Variants in FOCAD observed in about 807,000 individuals in gnomAD.
FOCAD encodes focadhesin.
Under a neutral mutation model 225.6 loss-of-function variants are expected in FOCAD, and 198 were observed. The observed-to-expected ratio is 0.88, with a 90% CI of 0.78 to 0.99. The LOEUF (loss-of-function observed/expected upper bound fraction) is 0.99, where lower values mean the gene tolerates loss of function less well. FOCAD is among the 50% of genes least tolerant of loss of function. The pLI, the probability that FOCAD is intolerant of heterozygous loss-of-function variation, is 0.00. For missense variants in FOCAD, 2,713 were observed against 2,123.6 expected (o/e 1.28, Z -5.46); for synonymous variants, 897 against 755.0 (o/e 1.19, Z -3.08).
At chr9:20,750,722 A>G (rs1828464279) in intron 5 of FOCAD, among the ~76,000 whole-genome samples, 3 of 152,294 alleles carry the variant, frequency 2.0e-5, no homozygotes, top group Admixed American at 6.5e-5. Context: ...TGGACATAAC[A>G]CTTCCTTCTG....
intron 24 of FOCAD, 121 bp downstream of exon 24, chr9:20,917,058 A>AT (rs1332063039): frequency 1.1e-5 from 8 of 740,368 alleles, no homozygotes; most frequent in Admixed American, 3.4e-5. Flanking sequence ...CTTTTCAATT[A>AT]TTTTTTTAAA....
chr9:20,735,085 T>C lies in FOCAD; in HGVS notation c.288-5151T>C, dbSNP rs1324824760. 3.3e-5 allele frequency among the ~76,000 whole-genome samples: 5 copies of C among 152,350 alleles called. No homozygotes were observed. The South Asian group carries it at 8.3e-4, about 25-fold the overall frequency. On this transcript the variant is annotated intron_variant, in intron 4 of 43. Transcript: ENST00000338382. ...GTGCTTACTTCCCCCACCTACTCTT[T>C]AACACTGAGTATTATGAATCTTATT...
chr9:20,967,174 T>A (rs1839339279), intron 35 of FOCAD, among the ~76,000 whole-genome samples: 1 of 152,150 alleles, frequency 6.6e-6, no homozygotes, highest in African/African-American at 2.4e-5. Flanking sequence ...TCTTTCTATT[T>A]ATTTAGGGCT....
intron 15 of FOCAD, among the ~76,000 whole-genome samples, chr9:20,838,922 C>T (rs974729500): frequency 6.6e-6 from 1 of 151,952 alleles, no homozygotes; most frequent in Non-Finnish European, 1.5e-5. Context: ...TTAAGCTTTA[C>T]TAATATTTAA....
At chr9:20,793,578 C>T (rs763316781) in intron 11 of FOCAD, among the ~76,000 whole-genome samples, 5 of 152,134 alleles carry the variant, frequency 3.3e-5, no homozygotes, top group Non-Finnish European at 7.3e-5. Flanking sequence ...TACTAATGTA[C>T]TGAAACAAAA....
intron 15 of FOCAD, among the ~76,000 whole-genome samples, chr9:20,824,033 C>T (rs572839085): frequency 2.0e-5 from 3 of 152,176 alleles, no homozygotes; most frequent in African/African-American, 7.2e-5. Flanking sequence ...GGTGAACACT[C>T]ATTTCAGCAG....
chr9:20,918,723 C>CAA (rs59430546), intron 24 of FOCAD, among the ~76,000 whole-genome samples: 11 of 114,550 alleles, frequency 9.6e-5, no homozygotes, highest in Admixed American at 9.4e-5. Context: ...GACTCCGTCT[C>CAA]AAAAAAAAAA....
At chr9:20,722,541 GCACTCTCTCTGA>G (rs1311468532) in intron 4 of FOCAD, among the ~76,000 whole-genome samples, 9 of 152,290 alleles carry the variant, frequency 5.9e-5, no homozygotes, top group Admixed American at 3.3e-4. Flanking sequence ...TTGGTATCTG[GCACTCTCTCTGA>G]CACTTAGTAG....
At chr9:20,709,291 T>C (rs1824643483) in intron 1 of FOCAD, among the ~76,000 whole-genome samples, 2 of 152,162 alleles carry the variant, frequency 1.3e-5, no homozygotes, top group Non-Finnish European at 2.9e-5. Context: ...TATTGAAAGG[T>C]TGGAGATAAA....
intron 37 of FOCAD, among the ~76,000 whole-genome samples, chr9:20,979,820 A>G (rs1291554966): frequency 6.6e-6 from 1 of 152,200 alleles, no homozygotes; most frequent in Admixed American, 6.5e-5. Context: ...GCAAGCACTC[A>G]GTGAGTACTT....
In FOCAD at chr9:20,807,158, G is replaced by A. The variant is rs537447423; in HGVS notation, c.1456-12638G>A. On this transcript the variant is annotated intron_variant, in intron 11 of 43. Transcript: ENST00000338382. Reference sequence around the variant, plus strand: ...AAAGTTATGTATTATTAAAATTATAGTTGATTTTTATAGCTTTTTAAGTTC... The same window carrying A: ...AAAGTTATGTATTATTAAAATTATAATTGATTTTTATAGCTTTTTAAGTTC... 2.6e-5 allele frequency among the ~76,000 whole-genome samples: 4 copies of A among 152,306 alleles called. No homozygotes were observed. The East Asian group carries it at 7.7e-4, about 29-fold the overall frequency.
In FOCAD at chr9:20,758,128, G is replaced by T; in HGVS notation, c.431G>T (p.Arg144Ile). The change falls in exon 6 of 44, where the codon AGA (arginine) becomes ATA (isoleucine). Residue 144 changes from arginine to isoleucine, a missense_variant. Arg to Ile is a moderately conservative substitution (Grantham distance 97). Transcript: ENST00000338382. Reference sequence around the variant, plus strand: ...CCTTTGATAACTGTGCTTGAACACAGACCTGATTGCTGGCCAGTGTTTTTG... The same window carrying T: ...CCTTTGATAACTGTGCTTGAACACATACCTGATTGCTGGCCAGTGTTTTTG... ...PHPLITVLEH[R>I]PDCWPVFLQQ... 1 of 1,612,532 alleles carries T rather than the reference G, an allele frequency of 6.2e-7. No individual in the cohort carries two copies. The highest frequency in any genetic ancestry group is 1.1e-5 in the South Asian group (1 of 90,830).
intron 21 of FOCAD, among the ~76,000 whole-genome samples, chr9:20,902,479 T>C (rs952828473): frequency 5.3e-5 from 8 of 151,898 alleles, no homozygotes; most frequent in Admixed American, 3.3e-4. Context: ...AGTTATTTCT[T>C]AAGGTAATTC....
Position 20,678,270 on chromosome 9 carries a change from GTGGTTGTAGTT to G in FOCAD, c.-77-16249_-77-16239del, listed in dbSNP as rs1160028037. ...TGATATTGTCTTGTTATTAAGAAAA[GTGGTTGTAGTT>G]ATTAGAGATACATGGCTACATCATT... is the stretch of plus-strand genomic sequence containing the variant. On this transcript the variant is annotated intron_variant, in intron 2 of 45. Coordinates refer to the FOCAD transcript ENST00000380249. 2.0e-5 allele frequency among the ~76,000 whole-genome samples: 3 copies of G among 152,318 alleles called. No homozygotes were observed. The East Asian group carries it at 5.8e-4, about 29-fold the overall frequency.
chr9:20,918,615 T>C (rs1834077611), intron 24 of FOCAD, among the ~76,000 whole-genome samples: 1 of 151,746 alleles, frequency 6.6e-6, no homozygotes, highest in Non-Finnish European at 1.5e-5. Flanking sequence ...TCCCAGCTAC[T>C]TGGGAGGCTG....
Position 20,659,333 on chromosome 9 carries a change from G to A in FOCAD, c.-78+507G>A, listed in dbSNP as rs371754277. On this transcript the variant is annotated intron_variant, in intron 2 of 45. Transcript: ENST00000380249. ...GAGGCATGAGAATCGCCTGAACATG[G>A]GAGGAGGAGGTTGCAGTGAGTCAAG... Among the ~76,000 whole-genome samples the A allele has an allele frequency of 7.3e-4, 111 of 151,158 alleles. 2 individuals are homozygous for A. In the South Asian group the frequency reaches 0.021, roughly 28 times the overall value.
intron 11 of FOCAD, among the ~76,000 whole-genome samples, chr9:20,814,990 T>C (rs1397797432): frequency 6.6e-6 from 1 of 152,080 alleles, no homozygotes; most frequent in East Asian, 1.9e-4. Flanking sequence ...TATTTCCATA[T>C]GCTCTCATGT....
intron 1 of FOCAD, chr9:20,684,756 T>A (rs1286206252): frequency 1.3e-5 from 2 of 152,478 alleles, no homozygotes; most frequent in African/African-American, 4.8e-5. Flanking sequence ...GGTGACTGTC[T>A]CCTTCTCATT....
intron 1 of FOCAD, among the ~76,000 whole-genome samples, chr9:20,698,413 T>C (rs1823562624): frequency 6.6e-6 from 1 of 152,118 alleles, no homozygotes; most frequent in East Asian, 1.9e-4. Flanking sequence ...TTTATTTTTA[T>C]TTTTGAGATA....
Sources: allele counts gnomAD v4.1 joint callset (sites outside exome capture counted in the v4.1 genomes callset), GRCh38; gene constraint gnomAD v4.1.1; transcripts MANE v1.5; gene names NCBI Gene and HGNC (gene_info 2026-07-23, HGNC 2026-07-21).